DHX29: variants seen among roughly 807,000 people sequenced by gnomAD.
The protein encoded by DHX29 is ATP-dependent RNA helicase DHX29.
A neutral mutation model predicts 167.9 loss-of-function variants in DHX29; 79 were observed. The ratio of observed to expected loss-of-function variants is 0.47; its 90% confidence interval spans 0.39 to 0.57. The LOEUF (loss-of-function observed/expected upper bound fraction) is 0.57. Ranked by LOEUF, DHX29 falls within the 20% of genes least tolerant of loss-of-function variation. DHX29 has a pLI of 0.00. For missense variants in DHX29, 1,347 were observed against 1,593.4 expected (o/e 0.85, Z 2.63); for synonymous variants, 530 against 546.0 (o/e 0.97, Z 0.41).
intron 11 of DHX29, among the ~76,000 whole-genome samples, chr5:55,282,659 C>T (rs576469840): frequency 3.9e-5 from 6 of 152,152 alleles, no homozygotes; most frequent in South Asian, 4.1e-4. Context: ...TATACTTTGC[C>T]GTCACTCTGG....
chr5:55,284,618 T>C (rs531773856), intron 10 of DHX29, among the ~76,000 whole-genome samples: 57 of 152,178 alleles, frequency 3.7e-4, no homozygotes, highest in Non-Finnish European at 7.1e-4. Flanking sequence ...ACATTTACTG[T>C]AAAAAGGAAA....
intron 8 of DHX29, among the ~76,000 whole-genome samples, chr5:55,288,827 A>G (rs1747880276): frequency 6.6e-6 from 1 of 152,172 alleles, no homozygotes; most frequent in Non-Finnish European, 1.5e-5. Context: ...AAACCATAAA[A>G]CAGCCAACGT....
chr5:55,289,455 G>A (rs1198649790), intron 7 of DHX29, 27 bp from the exon 8 acceptor site: 1 of 1,469,190 alleles, frequency 6.8e-7, no homozygotes, highest in African/African-American at 1.5e-5. Context: ...ATAATGTTTA[G>A]TTTCATGGTT....
At chr5:55,278,049 A>T (rs1442576792) in intron 12 of DHX29, among the ~76,000 whole-genome samples, 1 of 152,106 alleles carries the variant, frequency 6.6e-6, no homozygotes, top group Non-Finnish European at 1.5e-5. Flanking sequence ...GTAGAAAAAG[A>T]GGCATTAACT....
At chr5:55,260,058 T>G in intron 25 of DHX29, 114 bp from the exon 26 acceptor site, 1 of 531,612 alleles carries the variant, frequency 1.9e-6, no homozygotes, top group South Asian at 3.7e-5. Context: ...TTGCTTTTAA[T>G]GGAAAACACA....
intron 18 of DHX29, among the ~76,000 whole-genome samples, chr5:55,270,957 C>T (rs535811809): frequency 6.6e-6 from 1 of 152,280 alleles, no homozygotes; most frequent in African/African-American, 2.4e-5. Context: ...AATCTGATCA[C>T]AGAATCTTTT....
chr5:55,281,039 CACACACACATGCTATATGTATAT>C (rs1747376022), intron 12 of DHX29, among the ~76,000 whole-genome samples: 1 of 150,026 alleles, frequency 6.7e-6, no homozygotes, highest in Non-Finnish European at 1.5e-5. Flanking sequence ...TGTATACACA[CACACACACATGCTATATGTATAT>C]ACACACACAC....
rs111573078 is a variant in DHX29, at chr5:55,295,209, A to G, written c.651+170T>C. 824 of 583,526 alleles carry G rather than the reference A, an allele frequency of 1.4e-3. 7 individuals are homozygous for G. The highest frequency in any genetic ancestry group is 0.013 in the Middle Eastern group (29 of 2,176). 36.1% of individuals were successfully genotyped at this position (583,526 alleles called of 1,614,324 possible). On this transcript the variant is annotated intron_variant, in intron 5 of 26. Transcript: ENST00000251636. ...GTTGGTTTAAGCCACTACATTTTGGAGTGGTTTGTTATATAACTAAAACAA... is the reference window on the plus strand; with the variant it reads ...GTTGGTTTAAGCCACTACATTTTGGGGTGGTTTGTTATATAACTAAAACAA...
intron 8 of DHX29, among the ~76,000 whole-genome samples, chr5:55,287,462 CAATA>C (rs1228783740): frequency 6.6e-6 from 1 of 151,920 alleles, no homozygotes; most frequent in Non-Finnish European, 1.5e-5. Context: ...CCCACAAAAA[CAATA>C]AATACTACTG....
At chr5:55,295,735 C>T (rs1173740227) in intron 4 of DHX29, among the ~76,000 whole-genome samples, 1 of 152,138 alleles carries the variant, frequency 6.6e-6, no homozygotes, top group African/African-American at 2.4e-5. Context: ...AGCTAGCCCT[C>T]TTGTATTTGG....
chr5:55,296,601 T>C lies in DHX29; in HGVS notation c.376-252A>G, dbSNP rs938602741. Among the ~76,000 whole-genome samples, 59 of 152,208 alleles carry C rather than the reference T, an allele frequency of 3.9e-4. 1 individual carries two copies. The highest frequency in any genetic ancestry group is 1.5e-4 in the Non-Finnish European group (10 of 68,016). On this transcript the variant is annotated intron_variant, in intron 3 of 26. Transcript: ENST00000251636. ...AGATACTAAATGTAGTACATTTTTT[T>C]CAGTCATTTTTCCATAATTTTGTAA...
chr5:55,270,836 T>C, intron 18 of DHX29, 130 bp from the exon 19 acceptor site: 1 of 638,716 alleles, frequency 1.6e-6, no homozygotes, highest in Non-Finnish European at 2.8e-6. Flanking sequence ...CCAATAGTTC[T>C]CAAATTATGC....
intron 1 of DHX29, among the ~76,000 whole-genome samples, chr5:55,305,911 G>A (rs1229825111): frequency 6.6e-6 from 1 of 152,146 alleles, no homozygotes; most frequent in African/African-American, 2.4e-5. Flanking sequence ...ACTCCTAGAA[G>A]GGCTTTAGGA....
chr5:55,264,218 G>A (rs73120249), intron 23 of DHX29, among the ~76,000 whole-genome samples: 3,908 of 152,092 alleles, frequency 0.026, 154 homozygotes, highest in African/African-American at 0.088. Flanking sequence ...CAGTATTTGT[G>A]GGGGAGCCCT....
At chr5:55,265,668 T>C (rs1746521493) in intron 23 of DHX29, among the ~76,000 whole-genome samples, 1 of 56,610 alleles carries the variant, frequency 1.8e-5, no homozygotes, top group Non-Finnish European at 4.3e-5. Flanking sequence ...TTGAACTAGC[T>C]GTAAAAAAAA....
chr5:55,283,900 T>C (rs1210109618), intron 10 of DHX29, 89 bp from the exon 11 acceptor site: 3 of 1,063,292 alleles, frequency 2.8e-6, no homozygotes, highest in Non-Finnish European at 2.6e-6. Flanking sequence ...GCTATATTCA[T>C]CTTAAAATAT....
chr5:55,267,200 G>A lies in DHX29; in HGVS notation c.3463C>T (p.Arg1155Cys), dbSNP rs749904276. ...WKKARQEGGY[R>C]SEITYCRRNF... ...CTCCGGCAGTATGTGATTTCAGAAC[G>A]ATAACCTCCTTCTTGTCGTGCTTTC... is the stretch of plus-strand genomic sequence containing the variant. The change falls in exon 23 of 27, where the codon CGT becomes TGT. Residue 1155 changes from arginine (R) to cysteine (C), a missense_variant. Transcript: ENST00000251636. The A allele has an allele frequency of 1.3e-5, 21 of 1,612,772 alleles. No individual in the cohort carries two copies. Among genetic ancestry groups the A allele is most frequent in the African/African-American group, 2.7e-5 (2 of 74,992 alleles).
intron 7 of DHX29, 124 bp from the exon 8 acceptor site, chr5:55,289,552 A>G (rs1290893474): frequency 9.7e-6 from 7 of 720,974 alleles, no homozygotes; most frequent in Non-Finnish European, 1.4e-5. Flanking sequence ...ATTTTTTAAA[A>G]TGATTAAAAA....
intron 8 of DHX29, among the ~76,000 whole-genome samples, 199 bp from the exon 9 acceptor site, chr5:55,286,060 C>G (rs1017737593): frequency 1.1e-4 from 17 of 152,034 alleles, no homozygotes; most frequent in Admixed American, 8.5e-4. Flanking sequence ...CGAGACCATC[C>G]TGGCTAACAC....
Sources: allele counts gnomAD v4.1 joint callset (sites outside exome capture counted in the v4.1 genomes callset), GRCh38; gene constraint gnomAD v4.1.1; transcripts MANE v1.5; gene names NCBI Gene and HGNC (gene_info 2026-07-23, HGNC 2026-07-21).